CAMK2D: variants seen among roughly 807,000 people sequenced by gnomAD.
CAMK2D encodes calcium/calmodulin-dependent protein kinase type II subunit delta.
In CAMK2D, 37 loss-of-function variants were observed where a neutral mutation model predicts 84.0. The observed-to-expected ratio is 0.44, with a 90% CI of 0.34 to 0.58. The LOEUF (loss-of-function observed/expected upper bound fraction) is 0.58, where lower values mean the gene tolerates loss of function less well. Among genes scored for constraint, CAMK2D ranks in the 20% least tolerant of loss-of-function variants. The pLI, the probability that CAMK2D is intolerant of heterozygous loss-of-function variation, is 0.02. For missense variants in CAMK2D, 448 were observed against 652.5 expected, an observed-to-expected ratio of 0.69 and a Z score of 3.41; for synonymous variants, 202 against 212.5, an observed-to-expected ratio of 0.95 and a Z score of 0.43.
chr4:113,491,048 A>G (rs2097835232), intron 16 of CAMK2D, among the ~76,000 whole-genome samples: 2 of 58,512 alleles, frequency 3.4e-5, no homozygotes, highest in Admixed American at 2.1e-4. Flanking sequence ...TTGGGCTGAG[A>G]CAATGGGGTT....
intron 2 of CAMK2D, among the ~76,000 whole-genome samples, chr4:113,732,531 T>C (rs1050894651): frequency 6.6e-6 from 1 of 152,204 alleles, no homozygotes; most frequent in Non-Finnish European, 1.5e-5. Flanking sequence ...TTAAACAAAT[T>C]TGACTTTAAT....
intron 17 of CAMK2D, among the ~76,000 whole-genome samples, chr4:113,462,296 CTG>C (rs2097392945): frequency 9.6e-6 from 1 of 104,496 alleles, no homozygotes; most frequent in Non-Finnish European, 2.3e-5. Flanking sequence ...GTGTGTGTGT[CTG>C]TCTGTCTGTC....
intron 5 of CAMK2D, among the ~76,000 whole-genome samples, chr4:113,550,446 T>C (rs1209673733): frequency 7.9e-5 from 12 of 152,212 alleles, no homozygotes; most frequent in Admixed American, 7.9e-4. Context: ...GTTCTGGGAT[T>C]ATAGGAGTGG....
At chr4:113,706,490 G>A (rs6849759) in intron 2 of CAMK2D, among the ~76,000 whole-genome samples, 84,109 of 151,868 alleles carry the variant, frequency 0.55, 24,329 homozygotes, top group African/African-American at 0.71. Context: ...AAACTGAAAG[G>A]GGTACTATGC....
intron 2 of CAMK2D, among the ~76,000 whole-genome samples, chr4:113,674,850 C>T (rs575826713): frequency 2.4e-4 from 36 of 152,038 alleles, no homozygotes; most frequent in Middle Eastern, 3.4e-3. Flanking sequence ...TGACTACTCC[C>T]CCCGAGAGAA....
intron 2 of CAMK2D, among the ~76,000 whole-genome samples, chr4:113,665,504 A>T (rs1561695888): frequency 6.6e-6 from 1 of 152,104 alleles, no homozygotes; most frequent in African/African-American, 2.4e-5. Context: ...AGCAACAAAA[A>T]CTACATATGC....
intron 2 of CAMK2D, among the ~76,000 whole-genome samples, chr4:113,701,114 A>C (rs546845853): frequency 5.9e-5 from 9 of 152,210 alleles, no homozygotes; most frequent in African/African-American, 2.2e-4. Flanking sequence ...TCTTTACTAG[A>C]TTAATTCTTC....
At chr4:113,604,194 G>C (rs929427949) in intron 4 of CAMK2D, among the ~76,000 whole-genome samples, 6 of 151,924 alleles carry the variant, frequency 3.9e-5, no homozygotes, top group African/African-American at 1.5e-4. Context: ...ATTTTATCTC[G>C]GAACTCATTG....
At chr4:113,493,905 A>G (rs2097885129) in intron 16 of CAMK2D, among the ~76,000 whole-genome samples, 1 of 151,990 alleles carries the variant, frequency 6.6e-6, no homozygotes. Flanking sequence ...ATCTTCCATC[A>G]CTGACACCCT....
intron 2 of CAMK2D, among the ~76,000 whole-genome samples, chr4:113,748,459 A>G (rs2099609691): frequency 6.6e-6 from 1 of 152,136 alleles, no homozygotes; most frequent in South Asian, 2.1e-4. Flanking sequence ...ATTCTCCTCT[A>G]TGAATATTTC....
intron 8 of CAMK2D, 22 bp from the exon 9 acceptor site, chr4:113,517,679 A>C (rs900383158): frequency 4.4e-6 from 5 of 1,136,344 alleles, no homozygotes; most frequent in Non-Finnish European, 6.7e-6. Context: ...TATAATGTTA[A>C]CACAATTTAA....
rs2098111260 is a variant in CAMK2D at position 113,504,988 on chromosome 4, A to G, written c.1032T>C (p.Pro344=). 6.3e-7 allele frequency: 1 copy of G among 1,575,866 alleles called. No homozygotes were observed. Among genetic ancestry groups the G allele is most frequent in the African/African-American group, 1.3e-5 (1 of 74,460 alleles). ...NVVTSPKENI[P]TPALEPQTTV... Reference sequence around the variant, plus strand: ...AGTCCAGGTATACCAGCGCTGGGGTAGGAATATTTTCTTTGGGGCTGGTTA... The same window carrying G: ...AGTCCAGGTATACCAGCGCTGGGGTGGGAATATTTTCTTTGGGGCTGGTTA... Residue 344 remains proline, a synonymous_variant, in exon 14 of 21, where the codon CCT becomes CCC. Transcript: ENST00000511664.
intron 5 of CAMK2D, 26 bp downstream of exon 5, chr4:113,552,005 T>TATCTTGCCCAGGGCAAGTC: frequency 8.3e-7 from 1 of 1,208,118 alleles, no homozygotes. Context: ...TTGAGTCTTG[T>TATCTTGCCCAGGGCAAGTC]ATCTTGCCCA....
rs1327689087 is a variant in CAMK2D at position 113,578,048 on chromosome 4, G to A, written c.276-25952C>T. On this transcript the variant is annotated intron_variant, in intron 4 of 20. Coordinates refer to ENST00000511664, the MANE Select transcript of CAMK2D (RefSeq NM_001321571.2). ...CAGAATCTGGCTGAGTATTGGTATT[G>A]TGTTTTTGTCAGAATACTTGAGCTC... Among the ~76,000 whole-genome samples the A allele has an allele frequency of 2.0e-5, 3 of 152,240 alleles. No individual in the cohort carries two copies. The East Asian group carries it at 5.8e-4, about 29-fold the overall frequency.
At chr4:113,505,587 TC>T (rs1228461216) in intron 13 of CAMK2D, among the ~76,000 whole-genome samples, 2 of 70,742 alleles carry the variant, frequency 2.8e-5, no homozygotes, top group East Asian at 7.4e-4. Context: ...GTAGATCTCC[TC>T]TAAAAATTAC....
intron 4 of CAMK2D, among the ~76,000 whole-genome samples, chr4:113,580,986 G>C (rs2098805637): frequency 6.6e-6 from 1 of 151,922 alleles, no homozygotes; most frequent in Non-Finnish European, 1.5e-5. Context: ...CTAGGTGATG[G>C]GTTGATAGGT....
chr4:113,485,365 CCTCA>C (rs2097756307), intron 16 of CAMK2D, among the ~76,000 whole-genome samples: 1 of 152,084 alleles, frequency 6.6e-6, no homozygotes, highest in Non-Finnish European at 1.5e-5. Flanking sequence ...CTCAATAGTC[CCTCA>C]CTAAATATTT....
At chr4:113,619,517 T>C (rs941404742) in intron 3 of CAMK2D, among the ~76,000 whole-genome samples, 1 of 152,128 alleles carries the variant, frequency 6.6e-6, no homozygotes, top group African/African-American at 2.4e-5. Context: ...CTCCTACTAC[T>C]CATCCCTGGC....
At chr4:113,498,682 T>C (rs1044103029) in intron 16 of CAMK2D, among the ~76,000 whole-genome samples, 2 of 152,326 alleles carry the variant, frequency 1.3e-5, no homozygotes, top group African/African-American at 4.8e-5. Context: ...AGAGGCAAGA[T>C]GAAACCCATA....
Sources: allele counts gnomAD v4.1 joint callset (sites outside exome capture counted in the v4.1 genomes callset), GRCh38; gene constraint gnomAD v4.1.1; transcripts MANE v1.5; gene names NCBI Gene and HGNC (gene_info 2026-07-23, HGNC 2026-07-21).